WASL: variants seen among roughly 807,000 people sequenced by gnomAD.
The protein encoded by WASL is WASP like actin nucleation promoting factor.
Under a neutral mutation model 55.5 loss-of-function variants are expected in WASL, and 20 were observed. The ratio of observed to expected loss-of-function variants is 0.36; its 90% CI spans 0.25 to 0.52. WASL has a LOEUF of 0.52. Ranked by LOEUF, WASL falls within the 20% of genes least tolerant of loss-of-function variation. WASL has a pLI of 0.92. For missense variants in WASL, 504 were observed against 622.5 expected (o/e 0.81, Z 2.03); for synonymous variants, 249 against 217.6 (o/e 1.14, Z -1.27).
rs1026423905 is a variant in WASL at position 123,683,256 on chromosome 7, T to C, written c.*1263A>G. On this transcript the variant is annotated 3_prime_UTR_variant, in exon 11 of 11. Transcript: ENST00000223023. ...TAGGTAGGTATGATAATTAGCATTA[T>C]AAATATGAAACAACCACCTTTAGGC... 2.0e-5 allele frequency: 3 copies of C among 152,064 alleles called. No individual in the cohort carries two copies. The highest frequency in any genetic ancestry group is 4.4e-5 in the Non-Finnish European group (3 of 67,966). 9.4% of individuals were successfully genotyped at this position (152,064 alleles called of 1,614,324 possible). A position where few individuals can be genotyped will look rare whatever the true frequency, so the allele number is the denominator to read the frequency against.
In WASL at chr7:123,711,285, C is replaced by CA. The variant is rs372795815; in HGVS notation, c.118-2063dup. ...GTGAACTTTAAAAAACAAAACAAAA[C>CA]AAAAAAAAACCCAAACTAAAAAACA... On this transcript the variant is annotated intron_variant, in intron 1 of 10. Coordinates refer to ENST00000223023, the MANE Select transcript of WASL (RefSeq NM_003941.4). 2.8e-3 allele frequency among the ~76,000 whole-genome samples: 413 copies of CA among 149,842 alleles called. 3 individuals are homozygous for CA. Among genetic ancestry groups the CA allele is most frequent in the Middle Eastern group, 0.017 (5 of 292 alleles).
Position 123,684,029 on chromosome 7 carries a change from TA to T in WASL, c.*489del, listed in dbSNP as rs1278188296. ...GTGATGTCTACAGAACTGTGCAATGTATCAGCTTCAACATTCATATGTAGCA... is the reference window on the plus strand; with the variant it reads ...GTGATGTCTACAGAACTGTGCAATGTTCAGCTTCAACATTCATATGTAGCA... On this transcript the variant is annotated 3_prime_UTR_variant, in exon 11 of 11. Coordinates refer to ENST00000223023, the MANE Select transcript of WASL (RefSeq NM_003941.4). 2.6e-5 allele frequency: 4 copies of T among 152,034 alleles called. No homozygotes were observed. The highest frequency in any genetic ancestry group is 7.2e-5 in the African/African-American group (3 of 41,402). 9.4% of individuals were successfully genotyped at this position (152,034 alleles called of 1,614,324 possible).
In WASL at chr7:123,689,141, C is replaced by T; in HGVS notation, c.1357G>A (p.Gly453Ser). 1 of 1,612,032 alleles carries T rather than the reference C, an allele frequency of 6.2e-7. No homozygotes were observed. The highest frequency in any genetic ancestry group is 2.2e-5 in the East Asian group (1 of 44,796). Residue 453 changes from glycine (G) to serine (S), a missense_variant, in exon 10 of 11, where the codon GGC (glycine) becomes AGC (serine). Physicochemically the swap from Gly to Ser is moderately conservative, Grantham distance 56. This residue lies in a region of WASL where 53 missense variants were observed against 69.1 expected (regional missense o/e 0.77). Coordinates refer to ENST00000223023, the MANE Select transcript of WASL (RefSeq NM_003941.4). ...GGTGTTGGTGGTGTAGACTCTTGGC[C>T]ATCAGCCACCTTGGAAAAGAAAGTT... ...QGIQLKSVADGQESTPPTPAP... is the reference protein window; with the variant it reads ...QGIQLKSVADSQESTPPTPAP...
At chr7:123,684,732 A>T in intron 10 of WASL, 152 bp from the exon 11 acceptor site, 7 of 654,858 alleles carry the variant, frequency 1.1e-5, no homozygotes, top group Non-Finnish European at 1.5e-5. Flanking sequence ...AGTGAATCTA[A>T]AGAAATATAT....
At chr7:123,705,103 T>A (rs748218451) in intron 4 of WASL, among the ~76,000 whole-genome samples, 2 of 152,074 alleles carry the variant, frequency 1.3e-5, no homozygotes, top group African/African-American at 4.8e-5. Context: ...GTAAAAAGGA[T>A]TGAGTAGCAG....
Position 123,693,087 on chromosome 7 carries a change from A to C in WASL, c.827-220T>G, listed in dbSNP as rs1018691237. Among the ~76,000 whole-genome samples, 3 of 152,302 alleles carry C rather than the reference A, an allele frequency of 2.0e-5. No individual in the cohort carries two copies. In the East Asian group the frequency reaches 5.8e-4, roughly 29 times the overall value. ...TCACTTTCTTATTGGTTCTTAAAAA[A>C]ATATGAGCTAAAACAGAATAGTTTA... On this transcript the variant is annotated intron_variant, in intron 8 of 10. Transcript: ENST00000223023.
At position 123,694,702 on chromosome 7, in the gene WASL, A is replaced by G. The variant is rs750200995; in HGVS notation, c.826+13T>C. On this transcript the variant is annotated intron_variant, in intron 8 of 10. Coordinates refer to ENST00000223023, the MANE Select transcript of WASL (RefSeq NM_003941.4). ...TAAAACAAAACAGAACGCTGAATAG[A>G]GATAAAAGTTACCTTGCCTCCGCAG... is the stretch of plus-strand genomic sequence containing the variant. The G allele has an allele frequency of 2.5e-6, 4 of 1,611,648 alleles. No homozygotes were observed. Among genetic ancestry groups the G allele is most frequent in the Non-Finnish European group, 2.5e-6 (3 of 1,179,274 alleles).
intron 1 of WASL, among the ~76,000 whole-genome samples, chr7:123,744,060 C>T (rs925354108): frequency 3.3e-5 from 5 of 152,206 alleles, no homozygotes; most frequent in African/African-American, 1.2e-4. Context: ...CCGGTCTAAA[C>T]TTTCCACCAA....
Position 123,684,169 on chromosome 7 carries a change from T to C in WASL, c.*350A>G, listed in dbSNP as rs1803248404. 6.5e-6 allele frequency: 1 copy of C among 152,730 alleles called. No individual in the cohort carries two copies. The highest frequency in any genetic ancestry group is 2.1e-4 in the South Asian group (1 of 4,836). 9.5% of individuals were successfully genotyped at this position (152,730 alleles called of 1,614,324 possible). A position where few individuals can be genotyped will look rare whatever the true frequency, so the allele number is the denominator to read the frequency against. Reference sequence around the variant, plus strand: ...ATTTAGGTACAGAAAAAGTAGGGTATGAAAATAGTGTTTTCCTTCTGGCAT... The same window carrying C: ...ATTTAGGTACAGAAAAAGTAGGGTACGAAAATAGTGTTTTCCTTCTGGCAT... On this transcript the variant is annotated 3_prime_UTR_variant, in exon 11 of 11. Transcript: ENST00000223023.
chr7:123,709,309 C>T, intron 1 of WASL, 86 bp from the exon 2 acceptor site: 3 of 1,131,864 alleles, frequency 2.7e-6, no homozygotes, highest in Non-Finnish European at 1.2e-6. Context: ...CCGCAACCAC[C>T]CAGCTAAGCT....
In WASL at chr7:123,704,670, A is replaced by AAATTAGAAG; in HGVS notation, c.437-22_437-14dup. 10 of 1,432,898 alleles carry AAATTAGAAG rather than the reference A, an allele frequency of 7.0e-6. No individual in the cohort carries two copies. Among genetic ancestry groups the AAATTAGAAG allele is most frequent in the Non-Finnish European group, 9.5e-6 (10 of 1,048,294 alleles). 88.8% of individuals were successfully genotyped at this position (1,432,898 alleles called of 1,614,324 possible). A position where few individuals can be genotyped will look rare whatever the true frequency, so the allele number is the denominator to read the frequency against. ...TCTCGTCTTTTCTCTGTTAGAAAAT[A>AAATTAGAAG]AATTAGAAGAATATTATTAAATATA... is the stretch of plus-strand genomic sequence containing the variant. On this transcript the variant is annotated splice_polypyrimidine_tract_variant and intron_variant, in intron 4 of 10. Coordinates refer to ENST00000223023, the MANE Select transcript of WASL (RefSeq NM_003941.4).
At chr7:123,696,430 C>G in intron 6 of WASL, 149 bp downstream of exon 6, 1 of 572,510 alleles carries the variant, frequency 1.7e-6, no homozygotes, top group Non-Finnish European at 2.5e-6. Context: ...AAAAAAAACT[C>G]CAATAAAGTA....
chr7:123,694,522 C>T (rs1006705609), intron 8 of WASL, among the ~76,000 whole-genome samples, 193 bp downstream of exon 8: 1 of 151,998 alleles, frequency 6.6e-6, no homozygotes, highest in Admixed American at 6.6e-5. Flanking sequence ...AAAGAATAAA[C>T]AAAACCTTGT....
intron 1 of WASL, among the ~76,000 whole-genome samples, chr7:123,724,005 T>C (rs1360326705): frequency 6.6e-6 from 1 of 152,240 alleles, no homozygotes; most frequent in Non-Finnish European, 1.5e-5. Flanking sequence ...TGCTGTTATA[T>C]ACAAGTATAT....
chr7:123,719,218 A>G (rs73718463), intron 1 of WASL, among the ~76,000 whole-genome samples: 3,270 of 152,302 alleles, frequency 0.021, 140 homozygotes, highest in African/African-American at 0.075. Context: ...TGGGAAAATA[A>G]TGTTTCTGAT....
chr7:123,733,831 T>C (rs1804180455), intron 1 of WASL, among the ~76,000 whole-genome samples: 1 of 151,456 alleles, frequency 6.6e-6, no homozygotes, highest in South Asian at 2.1e-4. Context: ...CAAATGATCT[T>C]TGACAAAGGA....
At chr7:123,748,582 A>G (rs140498077) in intron 1 of WASL, 36 bp downstream of exon 1, 3 of 1,605,634 alleles carry the variant, frequency 1.9e-6, no homozygotes, top group African/African-American at 2.7e-5. Context: ...CCGTGAGGTA[A>G]TGTCACGGGT....
intron 1 of WASL, among the ~76,000 whole-genome samples, chr7:123,727,510 T>TA (rs1804070898): frequency 6.6e-6 from 1 of 151,960 alleles, no homozygotes; most frequent in African/African-American, 2.4e-5. Flanking sequence ...AGTTGACTAA[T>TA]AAAAAAAGAA....
intron 9 of WASL, among the ~76,000 whole-genome samples, chr7:123,689,624 T>G (rs1017189615): frequency 3.3e-5 from 5 of 152,200 alleles, no homozygotes; most frequent in Non-Finnish European, 7.4e-5. Flanking sequence ...GCTTTACACC[T>G]TTATGTTACA....
Sources: gnomAD v4.1 joint callset for allele counts (sites outside exome capture counted in the v4.1 genomes callset) on GRCh38, gnomAD v4.1.1 for gene constraint, gnomAD v4.1.1 regional missense constraint, MANE v1.5 for transcripts, NCBI Gene and HGNC (gene_info 2026-07-23, HGNC 2026-07-21) for gene names.